Variants in TOPAZ1 observed in about 807,000 individuals in gnomAD.
TOPAZ1 encodes testis and ovary specific TOPAZ 1, also known as protein TOPAZ1.
Under a neutral mutation model 172.2 loss-of-function variants are expected in TOPAZ1, and 66 were observed. The ratio of observed to expected loss-of-function variants is 0.38; its 90% CI spans 0.31 to 0.47. TOPAZ1 has a LOEUF of 0.47. Among genes scored for constraint, TOPAZ1 ranks in the 20% least tolerant of loss-of-function variants. The probability of loss-of-function intolerance (pLI) is 0.99; values close to 1 mark genes in which losing one functional copy is unlikely to be tolerated. For missense variants in TOPAZ1, 1,822 were observed against 1,972.4 expected (o/e 0.92, Z 1.44); for synonymous variants, 681 against 683.9 (o/e 1.00, Z 0.07).
chr3:44,329,112 A>G (rs943916937), intron 19 of TOPAZ1, among the ~76,000 whole-genome samples: 3 of 152,228 alleles, frequency 2.0e-5, no homozygotes, highest in Admixed American at 2.0e-4. Context: ...GTGACAAACC[A>G]GATCCTCTGG....
chr3:44,276,624 C>CTTTTTTTTTT lies in TOPAZ1; in HGVS notation c.3373-5324_3373-5315dup, dbSNP rs762865769. ...GTAGTTTAATGCCTCCAGCTTTGTTCTTTTTTTTTTTTTTTTTTTTTTTTT... is the reference window on the plus strand; with the variant it reads ...GTAGTTTAATGCCTCCAGCTTTGTTCTTTTTTTTTTTTTTTTTTTTTTTTTTTTTTTTTTT... On this transcript the variant is annotated intron_variant, in intron 8 of 19. Transcript: ENST00000309765. 2.0e-3 allele frequency among the ~76,000 whole-genome samples: 49 copies of CTTTTTTTTTT among 24,112 alleles called. 9 individuals are homozygous for CTTTTTTTTTT. The highest frequency in any genetic ancestry group is 2.6e-3 in the African/African-American group (14 of 5,324). The allele number at this position is 24,112 out of a possible 152,430, so 15.8% of individuals were successfully genotyped here.
At chr3:44,280,426 T>G (rs2125690444) in intron 8 of TOPAZ1, among the ~76,000 whole-genome samples, 1 of 152,034 alleles carries the variant, frequency 6.6e-6, no homozygotes, top group East Asian at 1.9e-4. Context: ...CTCAGCTCGC[T>G]GCAGCTTCTG....
intron 2 of TOPAZ1, among the ~76,000 whole-genome samples, chr3:44,248,042 T>C (rs985903834): frequency 6.6e-6 from 1 of 152,230 alleles, no homozygotes; most frequent in African/African-American, 2.4e-5. Flanking sequence ...TTCCCTAAAA[T>C]CTTGGGTGCA....
chr3:44,269,777 G>A (rs1298262021), intron 7 of TOPAZ1, among the ~76,000 whole-genome samples: 1 of 150,408 alleles, frequency 6.6e-6, no homozygotes, highest in East Asian at 1.9e-4. Flanking sequence ...GATTACAGGC[G>A]CCCACCACCA....
At chr3:44,310,748 A>G (rs1308677397) in intron 16 of TOPAZ1, among the ~76,000 whole-genome samples, 2 of 152,228 alleles carry the variant, frequency 1.3e-5, no homozygotes, top group African/African-American at 4.8e-5. Flanking sequence ...CGCTGTGTAA[A>G]ATGGAAATCC....
chr3:44,281,948 A>T lies in TOPAZ1; in HGVS notation c.3373-20A>T. 1 of 1,496,372 alleles carries T rather than the reference A, an allele frequency of 6.7e-7. No homozygotes were observed. The highest frequency in any genetic ancestry group is 2.5e-5 in the East Asian group (1 of 40,500). The allele number at this position is 1,496,372 out of a possible 1,614,324, so 92.7% of individuals were successfully genotyped here. A position where few individuals can be genotyped will look rare whatever the true frequency, so the allele number is the denominator to read the frequency against. On this transcript the variant is annotated intron_variant, in intron 8 of 19. Transcript: ENST00000309765. ...GAATATTTAAAAAAGGTAGTTTTAC[A>T]TTTTTCGTGACTTTTGCAGGTTTGC...
At chr3:44,275,870 C>T (rs1218734764) in intron 8 of TOPAZ1, among the ~76,000 whole-genome samples, 1 of 151,906 alleles carries the variant, frequency 6.6e-6, no homozygotes, top group East Asian at 1.9e-4. Flanking sequence ...TTGTTATTTT[C>T]TGTCTTCTTA....
intron 4 of TOPAZ1, among the ~76,000 whole-genome samples, chr3:44,258,331 C>T (rs192843526): frequency 3.3e-5 from 5 of 152,184 alleles, no homozygotes; most frequent in Non-Finnish European, 1.5e-5. Context: ...TATTGCAAAA[C>T]CATAGTACAA....
chr3:44,258,819 C>T (rs959986598), intron 4 of TOPAZ1, among the ~76,000 whole-genome samples: 1 of 152,184 alleles, frequency 6.6e-6, no homozygotes, highest in Non-Finnish European at 1.5e-5. Context: ...GTTTTAATTT[C>T]TCTGGGATAA....
intron 12 of TOPAZ1, among the ~76,000 whole-genome samples, chr3:44,292,101 C>T (rs954281587): frequency 6.6e-6 from 1 of 152,120 alleles, no homozygotes; most frequent in East Asian, 1.9e-4. Context: ...CTAGATGCCT[C>T]GGTACAGTTA....
chr3:44,270,608 G>C (rs1005412069), intron 7 of TOPAZ1, 77 bp from the exon 8 acceptor site: 47 of 1,044,570 alleles, frequency 4.5e-5, no homozygotes, highest in Non-Finnish European at 5.9e-5. Flanking sequence ...TATTTGTGTT[G>C]CTTCAAATGC....
chr3:44,246,212 G>A (rs1056173423), intron 2 of TOPAZ1, among the ~76,000 whole-genome samples: 3 of 152,140 alleles, frequency 2.0e-5, no homozygotes, highest in African/African-American at 7.2e-5. Flanking sequence ...AACTTTAAAT[G>A]GGGCCAAGTA....
chr3:44,293,468 G>A (rs576958653), intron 12 of TOPAZ1, among the ~76,000 whole-genome samples: 1 of 152,072 alleles, frequency 6.6e-6, no homozygotes, highest in Non-Finnish European at 1.5e-5. Flanking sequence ...GATCATCCTT[G>A]TTCTCTGTAG....
intron 8 of TOPAZ1, among the ~76,000 whole-genome samples, chr3:44,281,356 C>G (rs1235367150): frequency 6.6e-6 from 1 of 152,176 alleles, no homozygotes; most frequent in Non-Finnish European, 1.5e-5. Flanking sequence ...TCAGAAACCC[C>G]TTTTCACCCT....
intron 16 of TOPAZ1, 143 bp downstream of exon 16, chr3:44,310,133 C>A: frequency 1.5e-6 from 1 of 679,830 alleles, no homozygotes; most frequent in Non-Finnish European, 2.4e-6. Flanking sequence ...GAAAGGTTGT[C>A]ATGTAAACTG....
chr3:44,244,061 C>T lies in TOPAZ1; in HGVS notation c.1555C>T (p.Leu519Phe). Residue 519 changes from leucine (L) to phenylalanine (F), a missense_variant, in exon 2 of 20, where the codon CTT becomes TTT. Coordinates refer to ENST00000309765, the MANE Select transcript of TOPAZ1 (RefSeq NM_001145030.2). ...TTCCTTGCCAGAATCAAGTTACTTT[C>T]TTCGTGGGTCTCAGGAAAGTTGTAG... The part of the protein sequence containing the change: ...KASLPESSYF[L>F]RGSQESCRQV... The T allele has an allele frequency of 6.4e-7, 1 of 1,551,762 alleles. No homozygotes were observed. Among genetic ancestry groups the T allele is most frequent in the Non-Finnish European group, 8.7e-7 (1 of 1,146,984 alleles).
intron 6 of TOPAZ1, among the ~76,000 whole-genome samples, chr3:44,268,633 T>C (rs762475859): frequency 2.0e-5 from 3 of 152,086 alleles, no homozygotes; most frequent in Non-Finnish European, 4.4e-5. Flanking sequence ...TCTGCCCACG[T>C]GGGCCTCCCA....
At chr3:44,280,391 C>G (rs1008022573) in intron 8 of TOPAZ1, among the ~76,000 whole-genome samples, 76 of 150,646 alleles carry the variant, frequency 5.0e-4, no homozygotes, top group African/African-American at 1.7e-3. Context: ...TCTCTGTTGC[C>G]CAGGCTGGAG....
chr3:44,267,078 A>G lies in TOPAZ1; in HGVS notation c.3102A>G (p.Val1034=), dbSNP rs780905372. Residue 1034 remains valine, a synonymous_variant, in exon 6 of 20, where the codon GTA becomes GTG. Coordinates refer to ENST00000309765, the MANE Select transcript of TOPAZ1 (RefSeq NM_001145030.2). The part of the protein sequence containing the change: ...VPVPKPLCLL[V]PPLNLSGRQE... ...TCCCGAAACCTCTGTGTTTATTAGTACCTCCTTTGAATCTAAGTGGTCGTC... is the reference window on the plus strand; with the variant it reads ...TCCCGAAACCTCTGTGTTTATTAGTGCCTCCTTTGAATCTAAGTGGTCGTC... 6.5e-7 allele frequency: 1 copy of G among 1,548,662 alleles called. No homozygotes were observed. The highest frequency in any genetic ancestry group is 1.2e-5 in the South Asian group (1 of 83,488).
Sources: gnomAD v4.1 joint callset for allele counts (sites outside exome capture counted in the v4.1 genomes callset) on GRCh38, gnomAD v4.1.1 for gene constraint, MANE v1.5 for transcripts, NCBI Gene and HGNC (gene_info 2026-07-23, HGNC 2026-07-21) for gene names.